Variants in PLOD2 observed in about 807,000 individuals in gnomAD.
The protein encoded by PLOD2 is lysine hydroxylase 2.
PLOD2 carries 65 observed loss-of-function variants against 101.0 expected under a neutral mutation model. The ratio of observed to expected loss-of-function variants is 0.64; its 90% CI spans 0.53 to 0.79. The LOEUF is 0.79. PLOD2 is among the 30% of genes least tolerant of loss of function. The pLI is 0.00. For synonymous variants in PLOD2, 314 were observed against 302.9 expected (o/e 1.04, Z -0.38); for missense variants, 909 against 914.6 (o/e 0.99, Z 0.08).
At chr3:146,132,402 C>G (rs1374884987) in intron 1 of PLOD2, among the ~76,000 whole-genome samples, 1 of 151,892 alleles carries the variant, frequency 6.6e-6, no homozygotes, top group East Asian at 1.9e-4. Flanking sequence ...CTTCTAGAAC[C>G]ATAAGGTCCA....
chr3:146,151,156 C>G (rs1177336212), intron 1 of PLOD2, among the ~76,000 whole-genome samples: 1 of 152,178 alleles, frequency 6.6e-6, no homozygotes, highest in African/African-American at 2.4e-5. Context: ...GACCTCTTTT[C>G]TGATTCCTGC....
At chr3:146,122,165 T>C (rs1190207185) in intron 2 of PLOD2, among the ~76,000 whole-genome samples, 1 of 152,242 alleles carries the variant, frequency 6.6e-6, no homozygotes, top group Non-Finnish European at 1.5e-5. Flanking sequence ...TGGCAAAGCC[T>C]GTGGGGCTCC....
At chr3:146,146,075 T>G (rs184534764) in intron 1 of PLOD2, among the ~76,000 whole-genome samples, 1 of 152,284 alleles carries the variant, frequency 6.6e-6, no homozygotes, top group Admixed American at 6.5e-5. Context: ...TCCCATGACT[T>G]TATTAGAAAT....
intron 1 of PLOD2, among the ~76,000 whole-genome samples, chr3:146,143,433 C>G (rs370245697): frequency 5.9e-5 from 9 of 152,030 alleles, no homozygotes; most frequent in African/African-American, 1.9e-4. Context: ...CTCACATTCC[C>G]CATCTAAGTT....
In PLOD2 at chr3:146,086,787, A is replaced by T. The variant is rs1346310334; in HGVS notation, c.1127T>A (p.Met376Lys). 1 of 1,453,950 alleles carries T rather than the reference A, an allele frequency of 6.9e-7. No homozygotes were observed. Among genetic ancestry groups the T allele is most frequent in the Non-Finnish European group, 9.3e-7 (1 of 1,074,288 alleles). 90.1% of individuals were successfully genotyped at this position (1,453,950 alleles called of 1,614,324 possible). A position where few individuals can be genotyped will look rare whatever the true frequency, so the allele number is the denominator to read the frequency against. The part of the protein sequence containing the change: ...LSQAEARNMG[M>K]DFCRQDEKCD... The stretch of plus-strand genomic sequence containing the variant: ...TTAATTTTAATTTATTAAAACATAC[A>T]TTCCCATGTTTCTGGCTTCCGCTTG... Residue 376 changes from methionine (M) to lysine (K), a missense_variant and splice_region_variant, in exon 10 of 20, where the codon ATG becomes AAG. Coordinates refer to ENST00000282903, the MANE Select transcript of PLOD2 (RefSeq NM_182943.3).
intron 3 of PLOD2, 31 bp downstream of exon 3, chr3:146,121,081 G>T: frequency 2.0e-6 from 3 of 1,476,352 alleles, no homozygotes; most frequent in Non-Finnish European, 2.8e-6. Flanking sequence ...ATTGAATATA[G>T]ATTTTAAAAT....
intron 2 of PLOD2, among the ~76,000 whole-genome samples, chr3:146,122,891 AC>A (rs1395060202): frequency 1.3e-5 from 2 of 152,024 alleles, no homozygotes; most frequent in African/African-American, 2.4e-5. Context: ...TCCATTCTGA[AC>A]CCTAACGATT....
At position 146,102,836 on chromosome 3, in the gene PLOD2, T is replaced by C. The variant is rs1162401394; in HGVS notation, c.696A>G (p.Lys232=). The change falls in exon 7 of 20, where the codon AAA becomes AAG. Residue 232 remains lysine (K), a synonymous_variant. Coordinates refer to ENST00000282903, the MANE Select transcript of PLOD2 (RefSeq NM_182943.3). The stretch of plus-strand genomic sequence containing the variant: ...TAGCTCTGGCTTTGCCATTTTCAAA[T>C]TTTAAAACAACTTCATCTGGGTTAA... ...LNGAVDEVVL[K]FENGKARAKN... 2 of 1,582,576 alleles carry C rather than the reference T, an allele frequency of 1.3e-6. No individual in the cohort carries two copies. Among genetic ancestry groups the C allele is most frequent in the East Asian group, 2.2e-5 (1 of 44,668 alleles).
In PLOD2 at chr3:146,080,499, TG is replaced by T. The variant is rs1936499066; in HGVS notation, c.1358+1238del. On this transcript the variant is annotated intron_variant, in intron 12 of 19. Transcript: ENST00000282903. ...AATTAATCTCTGGGGAATTATTCAG[TG>T]TTTCAACTTATACACACACACATAC... Among the ~76,000 whole-genome samples the T allele has an allele frequency of 2.0e-5, 3 of 151,598 alleles. No individual in the cohort carries two copies. The Admixed American group carries it at 2.0e-4, about 10-fold the overall frequency.
intron 7 of PLOD2, among the ~76,000 whole-genome samples, chr3:146,096,131 C>T (rs915429549): frequency 1.7e-4 from 25 of 150,388 alleles, no homozygotes; most frequent in African/African-American, 6.1e-4. Flanking sequence ...GCGAGTGATC[C>T]GCCAGCCTCG....
At chr3:146,097,000 G>A (rs1254439447) in intron 7 of PLOD2, among the ~76,000 whole-genome samples, 1 of 140,836 alleles carries the variant, frequency 7.1e-6, no homozygotes, top group South Asian at 2.3e-4. Context: ...GGAGGGAGGT[G>A]GGGGGGTCAG....
intron 1 of PLOD2, among the ~76,000 whole-genome samples, chr3:146,150,708 T>C (rs910170888): frequency 1.3e-5 from 2 of 150,306 alleles, no homozygotes; most frequent in South Asian, 2.2e-4. Flanking sequence ...AACCGTCACA[T>C]GTACCCCTGA....
chr3:146,071,492 T>C (rs189191824), intron 17 of PLOD2, 69 bp from the exon 18 acceptor site: 485 of 1,423,434 alleles, frequency 3.4e-4, no homozygotes, highest in Non-Finnish European at 3.6e-4. Flanking sequence ...TATAGTATTT[T>C]TTTTCAACCA....
chr3:146,116,687 C>A (rs1937927810), intron 3 of PLOD2, among the ~76,000 whole-genome samples: 1 of 151,956 alleles, frequency 6.6e-6, no homozygotes, highest in Admixed American at 6.6e-5. Flanking sequence ...TTATTTGCAA[C>A]AATAAAATGG....
intron 7 of PLOD2, among the ~76,000 whole-genome samples, chr3:146,100,616 T>A (rs1046858506): frequency 6.6e-6 from 1 of 152,126 alleles, no homozygotes; most frequent in Non-Finnish European, 1.5e-5. Context: ...TACAGAAGAT[T>A]TGTAGACACA....
intron 1 of PLOD2, among the ~76,000 whole-genome samples, chr3:146,147,225 A>T (rs2031822334): frequency 1.3e-5 from 2 of 152,222 alleles, no homozygotes; most frequent in Admixed American, 1.3e-4. Context: ...AAATCACTAG[A>T]ATATAAGACT....
intron 1 of PLOD2, among the ~76,000 whole-genome samples, chr3:146,153,645 C>T (rs2032167418): frequency 6.6e-6 from 1 of 152,170 alleles, no homozygotes; most frequent in Non-Finnish European, 1.5e-5. Context: ...CCAAAATCCA[C>T]ATATCTATTT....
intron 1 of PLOD2, among the ~76,000 whole-genome samples, chr3:146,126,751 T>C (rs952500465): frequency 2.6e-5 from 4 of 152,154 alleles, no homozygotes; most frequent in Non-Finnish European, 4.4e-5. Flanking sequence ...TTAGAGAAAT[T>C]TGAACACTAA....
intron 2 of PLOD2, among the ~76,000 whole-genome samples, chr3:146,122,140 G>A (rs56064623): frequency 0.01 from 1,582 of 152,210 alleles, 34 homozygotes; most frequent in African/African-American, 0.036. Context: ...ATACTGAGCC[G>A]GAGATAAATC....
Sources: allele counts gnomAD v4.1 joint callset (sites outside exome capture counted in the v4.1 genomes callset), GRCh38; gene constraint gnomAD v4.1.1; transcripts MANE v1.5; gene names NCBI Gene and HGNC (gene_info 2026-07-23, HGNC 2026-07-21).